Variants in LRP1B observed in about 807,000 individuals in gnomAD.
LRP1B encodes the protein low-density lipoprotein receptor-related protein 1B.
In LRP1B, 217 loss-of-function variants were observed where a neutral mutation model predicts 556.6. The observed-to-expected ratio is 0.39, with a 90% CI of 0.35 to 0.44. LRP1B has a LOEUF of 0.44. LRP1B is among the 20% of genes least tolerant of loss of function. The pLI, the probability that LRP1B is intolerant of heterozygous loss-of-function variation, is 1.00. For synonymous variants in LRP1B, 2,047 were observed against 1,865.8 expected (o/e 1.10, Z -2.50); for missense variants, 5,053 against 5,620.8 (o/e 0.90, Z 3.23).
chr2:140,813,866 T>C (rs2105037442), intron 31 of LRP1B, 60 bp from the exon 32 acceptor site: 1 of 1,234,288 alleles, frequency 8.1e-7, no homozygotes, highest in Admixed American at 2.2e-5. Flanking sequence ...AATATCCACC[T>C]AGCACCACTG....
intron 1 of LRP1B, among the ~76,000 whole-genome samples, chr2:141,850,655 T>TGTGTGTGTGA (rs1343394382): frequency 7.4e-4 from 108 of 145,356 alleles, no homozygotes; most frequent in African/African-American, 2.4e-3. Context: ...TGTGTGTGTG[T>TGTGTGTGTGA]GAGCATGTAC....
chr2:140,828,306 C>T (rs1691580267), intron 31 of LRP1B, among the ~76,000 whole-genome samples: 1 of 152,038 alleles, frequency 6.6e-6, no homozygotes, highest in South Asian at 2.1e-4. Flanking sequence ...ATTAAATTCT[C>T]CAATTTTTAA....
At chr2:141,322,518 A>G (rs1162489534) in intron 3 of LRP1B, among the ~76,000 whole-genome samples, 2 of 152,132 alleles carry the variant, frequency 1.3e-5, no homozygotes, top group South Asian at 4.1e-4. Flanking sequence ...CCTTTTTGAA[A>G]TCTAGGAAGA....
At position 141,606,776 on chromosome 2, in the gene LRP1B, A is replaced by G. The variant is rs1252935517; in HGVS notation, c.206-126243T>C. Among the ~76,000 whole-genome samples, 5 of 152,322 alleles carry G rather than the reference A, an allele frequency of 3.3e-5. No individual in the cohort carries two copies. The East Asian group carries it at 5.8e-4, about 18-fold the overall frequency. On this transcript the variant is annotated intron_variant, in intron 2 of 90. Coordinates refer to ENST00000389484, the MANE Select transcript of LRP1B (RefSeq NM_018557.3). ...GCCAACACCTTGATCTTGGACTTCT[A>G]GCCTCCAGAACTGTGAGCAAATAAA...
At chr2:141,021,458 G>T (rs1294847677) in intron 11 of LRP1B, among the ~76,000 whole-genome samples, 5 of 151,946 alleles carry the variant, frequency 3.3e-5, no homozygotes. Context: ...TAGGTTAATT[G>T]TGCCTATGCT....
rs767114006 is a variant in LRP1B, at chr2:140,442,627, AG to A, written c.10295-5del. 1 of 1,611,872 alleles carries A rather than the reference AG, an allele frequency of 6.2e-7. No homozygotes were observed. The highest frequency in any genetic ancestry group is 8.5e-7 in the Non-Finnish European group (1 of 1,179,340). ...TCTGGAGAACAGCTGTTTTCAGCTT[AG>A]AAAGAAAACTGCCATTAAAATGTAG... On this transcript the variant is annotated splice_region_variant and splice_polypyrimidine_tract_variant and intron_variant, in intron 65 of 90. Transcript: ENST00000389484.
chr2:140,745,645 A>T (rs1688289814), intron 35 of LRP1B, among the ~76,000 whole-genome samples: 1 of 152,046 alleles, frequency 6.6e-6, no homozygotes, highest in Non-Finnish European at 1.5e-5. Context: ...GTGTTCCATC[A>T]AATTTGTTCC....
chr2:140,805,727 G>A (rs1690690154), intron 32 of LRP1B, among the ~76,000 whole-genome samples: 1 of 152,004 alleles, frequency 6.6e-6, no homozygotes, highest in Admixed American at 6.6e-5. Flanking sequence ...ACACATTAGT[G>A]ATAAAAATCA....
intron 2 of LRP1B, among the ~76,000 whole-genome samples, chr2:141,534,548 C>T (rs1684999881): frequency 6.6e-6 from 1 of 152,110 alleles, no homozygotes; most frequent in South Asian, 2.1e-4. Flanking sequence ...TACATCATCA[C>T]TCCTGAGGTC....
At chr2:141,565,613 T>A (rs938765431) in intron 2 of LRP1B, among the ~76,000 whole-genome samples, 1 of 152,224 alleles carries the variant, frequency 6.6e-6, no homozygotes, top group Non-Finnish European at 1.5e-5. Flanking sequence ...TCCCAAACTT[T>A]TAGTAGTAAA....
intron 25 of LRP1B, among the ~76,000 whole-genome samples, chr2:140,881,681 T>G (rs1037392972): frequency 1.3e-5 from 2 of 152,146 alleles, no homozygotes; most frequent in Non-Finnish European, 2.9e-5. Flanking sequence ...TGTAATTATC[T>G]TAATTAGCCT....
At chr2:142,118,872 T>A (rs2105009017) in intron 1 of LRP1B, among the ~76,000 whole-genome samples, 1 of 152,260 alleles carries the variant, frequency 6.6e-6, no homozygotes, top group South Asian at 2.1e-4. Context: ...ACTGTAAAAT[T>A]TAATAAAATT....
At chr2:141,721,261 T>G (rs928038803) in intron 2 of LRP1B, among the ~76,000 whole-genome samples, 1 of 152,188 alleles carries the variant, frequency 6.6e-6, no homozygotes, top group Non-Finnish European at 1.5e-5. Flanking sequence ...GCTTGACTGG[T>G]TTTTGAAATA....
chr2:140,655,699 T>C (rs1355700421), intron 41 of LRP1B, among the ~76,000 whole-genome samples: 1 of 152,126 alleles, frequency 6.6e-6, no homozygotes, highest in African/African-American at 2.4e-5. Flanking sequence ...TCCCAGCACT[T>C]TGGGGGGCCG....
intron 84 of LRP1B, among the ~76,000 whole-genome samples, chr2:140,277,610 C>CTAAA (rs1057311158): frequency 6.2e-4 from 94 of 151,490 alleles, no homozygotes; most frequent in African/African-American, 2.1e-3. Context: ...AACTCTATCT[C>CTAAA]TAAATAAATA....
At chr2:141,791,972 G>GTA (rs1695629790) in intron 2 of LRP1B, among the ~76,000 whole-genome samples, 1 of 151,802 alleles carries the variant, frequency 6.6e-6, no homozygotes. Flanking sequence ...ATTAACTTCG[G>GTA]TAAGTGCACG....
At chr2:140,854,053 AT>A (rs575895664) in intron 27 of LRP1B, among the ~76,000 whole-genome samples, 29 of 137,290 alleles carry the variant, frequency 2.1e-4, no homozygotes, top group African/African-American at 8.3e-4. Context: ...ATTCCCCCAT[AT>A]CTGAATAAAA....
chr2:140,330,262 G>A (rs181929271), intron 79 of LRP1B, among the ~76,000 whole-genome samples: 46 of 149,486 alleles, frequency 3.1e-4, no homozygotes, highest in Admixed American at 2.3e-3. Flanking sequence ...AAAAGAGCCC[G>A]TATAGCTAAG....
intron 59 of LRP1B, among the ~76,000 whole-genome samples, chr2:140,484,649 A>G (rs1301875727): frequency 2.0e-5 from 3 of 152,166 alleles, no homozygotes; most frequent in African/African-American, 7.2e-5. Context: ...CACTCTACTG[A>G]GCAAAACAAC....
Sources: allele counts gnomAD v4.1 joint callset (sites outside exome capture counted in the v4.1 genomes callset), GRCh38; gene constraint gnomAD v4.1.1; transcripts MANE v1.5; gene names NCBI Gene and HGNC (gene_info 2026-07-23, HGNC 2026-07-21).